The following BMAL1 variants were observed in gnomAD, a reference collection of about 807,000 sequenced individuals.
BMAL1 encodes basic helix-loop-helix ARNT like 1.
the BMAL1 span, among the ~76,000 whole-genome samples, chr11:13,345,129 T>C: frequency 4.6e-5 from 7 of 152,218 alleles, no homozygotes; most frequent in African/African-American, 1.4e-4. Context: ...AGTGACATTC[T>C]TGGGCTTCAC....
chr11:13,308,508 G>A, the BMAL1 span, among the ~76,000 whole-genome samples: 74 of 152,274 alleles, frequency 4.9e-4, no homozygotes, highest in African/African-American at 1.6e-3. Context: ...TAAGAGGTGG[G>A]GAGATGAGGG....
chr11:13,321,231 G>GT, the BMAL1 span, among the ~76,000 whole-genome samples: 11 of 151,926 alleles, frequency 7.2e-5, no homozygotes, highest in South Asian at 2.1e-4. Context: ...TGTAGCTGGG[G>GT]TTTTTTTTGC....
the BMAL1 span, among the ~76,000 whole-genome samples, chr11:13,348,866 G>C: frequency 1.3e-5 from 2 of 152,190 alleles, no homozygotes; most frequent in Non-Finnish European, 2.9e-5. Context: ...TATAGCGATC[G>C]AGGCAAAGAT....
chr11:13,375,661 C>A, the BMAL1 span: 1 of 1,593,312 alleles, frequency 6.3e-7, no homozygotes, highest in African/African-American at 1.4e-5. Context: ...AATTTAAAAT[C>A]AAAGATGGTT....
At chr11:13,347,129 A>G in the BMAL1 span, among the ~76,000 whole-genome samples, 1 of 152,222 alleles carries the variant, frequency 6.6e-6, no homozygotes, top group Non-Finnish European at 1.5e-5. Context: ...GTGGTGGCTC[A>G]TGCCCATAAT....
chr11:13,279,362 G>T, the BMAL1 span, among the ~76,000 whole-genome samples: 421 of 152,256 alleles, frequency 2.8e-3, 9 homozygotes, highest in Admixed American at 0.025. Context: ...CTGCTTGCTT[G>T]TCATTTGTCC....
At chr11:13,294,775 C>T in the BMAL1 span, among the ~76,000 whole-genome samples, 1 of 152,260 alleles carries the variant, frequency 6.6e-6, no homozygotes, top group African/African-American at 2.4e-5. Flanking sequence ...CTCATATGTA[C>T]CTCAGGGTCC....
the BMAL1 span, among the ~76,000 whole-genome samples, chr11:13,321,088 CT>C: frequency 1.3e-5 from 2 of 152,160 alleles, no homozygotes; most frequent in African/African-American, 4.8e-5. Flanking sequence ...TCCCTTTTCC[CT>C]TCACTCTGCC....
At chr11:13,351,771 G>A in the BMAL1 span, among the ~76,000 whole-genome samples, 1 of 152,230 alleles carries the variant, frequency 6.6e-6, no homozygotes, top group Non-Finnish European at 1.5e-5. Context: ...TGGGCAAGGA[G>A]AGAACTGGCC....
the BMAL1 span, chr11:13,372,252 C>T: frequency 1.9e-6 from 3 of 1,614,150 alleles, no homozygotes; most frequent in Non-Finnish European, 2.5e-6. Context: ...AGACAACGAA[C>T]CAGACAATGA....
chr11:13,369,511 T>C, the BMAL1 span: 18 of 1,321,580 alleles, frequency 1.4e-5, no homozygotes, highest in Admixed American at 3.7e-4. Flanking sequence ...ATGTCATCAT[T>C]ATAAAACAGT....
chr11:13,290,092 G>A, the BMAL1 span, among the ~76,000 whole-genome samples: 1 of 152,114 alleles, frequency 6.6e-6, no homozygotes, highest in African/African-American at 2.4e-5. Context: ...GTGTGAGATG[G>A]TATCTCATTT....
the BMAL1 span, chr11:13,366,749 A>G: frequency 4.3e-6 from 7 of 1,614,078 alleles, no homozygotes; most frequent in East Asian, 1.6e-4. Context: ...CTCCTCTGAC[A>G]CCGCACCCCG....
chr11:13,312,847 T>G, the BMAL1 span, among the ~76,000 whole-genome samples: 1 of 152,228 alleles, frequency 6.6e-6, no homozygotes. Context: ...GGCACTGCTC[T>G]TGGCATCATG....
the BMAL1 span, chr11:13,358,521 C>T: frequency 5.1e-5 from 83 of 1,612,920 alleles, no homozygotes; most frequent in Middle Eastern, 1.6e-4. Context: ...CAACATGCAA[C>T]GCAATGTCCA....
the BMAL1 span, among the ~76,000 whole-genome samples, chr11:13,306,470 G>T: frequency 6.6e-6 from 1 of 152,366 alleles, no homozygotes; most frequent in Non-Finnish European, 1.5e-5. Flanking sequence ...GAGACAGAGG[G>T]AGGGGTCTAA....
chr11:13,308,591 A>G, the BMAL1 span, among the ~76,000 whole-genome samples: 1 of 152,188 alleles, frequency 6.6e-6, no homozygotes, highest in Non-Finnish European at 1.5e-5. Flanking sequence ...AACTGGTGTC[A>G]AAGCTGCAAG....
chr11:13,289,307 T>C, the BMAL1 span, among the ~76,000 whole-genome samples: 37,697 of 152,130 alleles, frequency 0.25, 5,045 homozygotes, highest in East Asian at 0.46. Context: ...AGGGCATGTT[T>C]AGGGAATCTG....
At chr11:13,284,911 A>G in the BMAL1 span, among the ~76,000 whole-genome samples, 1 of 150,956 alleles carries the variant, frequency 6.6e-6, no homozygotes, top group Non-Finnish European at 1.5e-5. Flanking sequence ...TCCCCGCTCA[A>G]CCTCCATTCC....
Sources: allele counts gnomAD v4.1 joint callset (sites outside exome capture counted in the v4.1 genomes callset), GRCh38; gene constraint gnomAD v4.1.1; transcripts MANE v1.5; gene names NCBI Gene and HGNC (gene_info 2026-07-23, HGNC 2026-07-21).